MGAT5: variants seen among roughly 807,000 people sequenced by gnomAD.
MGAT5 encodes the protein alpha-1,6-mannosylglycoprotein 6-beta-N-acetylglucosaminyltransferase.
In MGAT5, 30 loss-of-function variants were observed where a neutral mutation model predicts 94.3. The observed-to-expected ratio is 0.32, with a 90% CI of 0.24 to 0.43. The LOEUF is 0.43. Ranked by LOEUF, MGAT5 falls within the 20% of genes least tolerant of loss-of-function variation. MGAT5 has a pLI of 1.00. For missense variants in MGAT5, 691 were observed against 905.5 expected, an observed-to-expected ratio of 0.76 and a Z score of 3.04; for synonymous variants, 310 against 322.9, an observed-to-expected ratio of 0.96 and a Z score of 0.43.
intron 1 of MGAT5, among the ~76,000 whole-genome samples, chr2:134,245,214 G>T (rs757194297): frequency 1.3e-4 from 20 of 152,082 alleles, no homozygotes; most frequent in Non-Finnish European, 2.6e-4. Context: ...GGGTTTCACC[G>T]TGTTAGCCAG....
chr2:134,194,137 G>GGA (rs1296605739), intron 1 of MGAT5, among the ~76,000 whole-genome samples: 1 of 152,128 alleles, frequency 6.6e-6, no homozygotes, highest in African/African-American at 2.4e-5. Flanking sequence ...ATTTTAGGAA[G>GGA]GAGAAAGAGG....
At chr2:134,223,523 C>T (rs1201300030) in intron 1 of MGAT5, among the ~76,000 whole-genome samples, 2 of 152,078 alleles carry the variant, frequency 1.3e-5, no homozygotes, top group Non-Finnish European at 2.9e-5. Context: ...TCCATTAGGG[C>T]ACCAACTAAA....
intron 1 of MGAT5, among the ~76,000 whole-genome samples, chr2:134,172,146 T>G (rs1688240094): frequency 6.6e-6 from 1 of 152,192 alleles, no homozygotes; most frequent in Admixed American, 6.5e-5. Flanking sequence ...CATGGCCACT[T>G]AATTCTTATG....
At chr2:134,152,899 CTTTTTT>C (rs35135371) in intron 1 of MGAT5, among the ~76,000 whole-genome samples, 10 of 117,292 alleles carry the variant, frequency 8.5e-5, no homozygotes, top group Non-Finnish European at 1.2e-4. Context: ...ATGGAGTCCA[CTTTTTT>C]TTTTTTTTTT....
At chr2:134,382,589 A>G (rs918054567) in intron 10 of MGAT5, among the ~76,000 whole-genome samples, 3 of 152,166 alleles carry the variant, frequency 2.0e-5, no homozygotes, top group African/African-American at 7.2e-5. Flanking sequence ...GGAGGAACCA[A>G]ACTTAGGTAG....
At chr2:134,158,043 A>T (rs1278535551) in intron 1 of MGAT5, among the ~76,000 whole-genome samples, 1 of 152,180 alleles carries the variant, frequency 6.6e-6, no homozygotes, top group East Asian at 1.9e-4. Flanking sequence ...CAGCATTTTT[A>T]TGGGCTTCAG....
At chr2:134,217,670 C>G (rs1271333982) in intron 1 of MGAT5, among the ~76,000 whole-genome samples, 1 of 152,154 alleles carries the variant, frequency 6.6e-6, no homozygotes, top group African/African-American at 2.4e-5. Context: ...GTTACCTGGG[C>G]TTTTTCATTT....
intron 2 of MGAT5, among the ~76,000 whole-genome samples, chr2:134,290,954 A>C (rs751840357): frequency 1.3e-5 from 2 of 152,152 alleles, no homozygotes; most frequent in Non-Finnish European, 2.9e-5. Context: ...AGGTGCCAGA[A>C]ACGTAATGCA....
At chr2:134,353,699 ACTC>A (rs535304833) in intron 9 of MGAT5, among the ~76,000 whole-genome samples, 34 of 152,128 alleles carry the variant, frequency 2.2e-4, no homozygotes, top group Non-Finnish European at 4.9e-4. Context: ...GCGTTATAAA[ACTC>A]CTGATGAGAC....
At position 134,422,872 on chromosome 2, in the gene MGAT5, A is replaced by G; in HGVS notation, c.1747A>G (p.Asn583Asp). ...ACATGTGTGGACTGTTGACCTCAAC[A>G]ATCAGGAGGAAGTAGAGGATGCAGT... The part of the protein sequence containing the change: ...RPHVWTVDLN[N>D]QEEVEDAVKA... Residue 583 changes from asparagine to aspartate, a missense_variant, in exon 13 of 16, where the codon AAT (asparagine) becomes GAT (aspartate). Around this residue, in one of 4 missense-constraint regions of MGAT5, gnomAD observed 260 missense variants for 347.0 expected, o/e 0.75. Transcript: ENST00000281923. The G allele has an allele frequency of 6.2e-7, 1 of 1,613,950 alleles. No individual in the cohort carries two copies. The highest frequency in any genetic ancestry group is 1.1e-5 in the South Asian group (1 of 91,084).
At chr2:134,225,278 G>C (rs899581568) in intron 1 of MGAT5, among the ~76,000 whole-genome samples, 1 of 152,012 alleles carries the variant, frequency 6.6e-6, no homozygotes, top group Non-Finnish European at 1.5e-5. Flanking sequence ...GCCAAAAACT[G>C]GCAGTTTCAG....
intron 1 of MGAT5, among the ~76,000 whole-genome samples, chr2:134,238,654 T>C (rs557491885): frequency 1.4e-4 from 21 of 152,340 alleles, no homozygotes; most frequent in African/African-American, 4.3e-4. Flanking sequence ...TGATGAAATA[T>C]GGCCCTAGGC....
intron 1 of MGAT5, among the ~76,000 whole-genome samples, chr2:134,207,056 T>C (rs1680050570): frequency 6.6e-6 from 1 of 152,224 alleles, no homozygotes; most frequent in African/African-American, 2.4e-5. Context: ...AGCAGGACTG[T>C]GTTCCTTTCA....
At chr2:134,198,772 C>A (rs909735458) in intron 1 of MGAT5, among the ~76,000 whole-genome samples, 2 of 152,156 alleles carry the variant, frequency 1.3e-5, no homozygotes, top group African/African-American at 4.8e-5. Flanking sequence ...CTTTGGGAAC[C>A]ACTGCTTTGC....
At chr2:134,395,077 C>A (rs1378156467) in intron 10 of MGAT5, among the ~76,000 whole-genome samples, 3 of 152,206 alleles carry the variant, frequency 2.0e-5, no homozygotes, top group Non-Finnish European at 4.4e-5. Context: ...TGTTTTCAAC[C>A]TACCAGCCTG....
chr2:134,327,393 C>T (rs1258472026), intron 4 of MGAT5, among the ~76,000 whole-genome samples: 2 of 152,018 alleles, frequency 1.3e-5, no homozygotes, highest in South Asian at 2.1e-4. Context: ...AGCATCATTA[C>T]TCTTGAGCTT....
chr2:134,374,272 G>C (rs577519811), intron 10 of MGAT5, among the ~76,000 whole-genome samples: 1 of 152,268 alleles, frequency 6.6e-6, no homozygotes, highest in African/African-American at 2.4e-5. Context: ...ATTTGCACCT[G>C]GGGGCTTACC....
intron 1 of MGAT5, among the ~76,000 whole-genome samples, chr2:134,157,081 G>T (rs1687513252): frequency 6.6e-6 from 1 of 152,172 alleles, no homozygotes; most frequent in Admixed American, 6.5e-5. Context: ...ATAAGCAAGT[G>T]ATTGATTCTT....
rs1683760004 is a variant in MGAT5 at position 134,413,014 on chromosome 2, A to C, written c.1676A>C (p.Glu559Ala). 2 of 1,613,974 alleles carry C rather than the reference A, an allele frequency of 1.2e-6. No individual in the cohort carries two copies. The highest frequency in any genetic ancestry group is 1.7e-6 in the Non-Finnish European group (2 of 1,179,974). The change falls in exon 12 of 16, where the codon GAG becomes GCG. Residue 559 changes from glutamate (E) to alanine (A), a missense_variant and splice_region_variant. This residue lies in a region of MGAT5 where 260 missense variants were observed against 347.0 expected (regional missense o/e 0.75). Coordinates refer to ENST00000281923, the MANE Select transcript of MGAT5 (RefSeq NM_002410.5). ...TTCATTGGCAAGCCAACTCTGAGAGAGGTAAGCATCTATCAAAATTATTCC... is the reference window on the plus strand; with the variant it reads ...TTCATTGGCAAGCCAACTCTGAGAGCGGTAAGCATCTATCAAAATTATTCC... Reference protein sequence around the residue: ...DFFIGKPTLRELTSQHPYAEV... With the variant: ...DFFIGKPTLRALTSQHPYAEV...
Sources: allele counts gnomAD v4.1 joint callset (sites outside exome capture counted in the v4.1 genomes callset), GRCh38; gene constraint gnomAD v4.1.1; regional missense constraint gnomAD v4.1.1; transcripts MANE v1.5; gene names NCBI Gene and HGNC (gene_info 2026-07-23, HGNC 2026-07-21).